CA10: variants seen among roughly 807,000 people sequenced by gnomAD.
The protein encoded by CA10 is carbonic anhydrase 10 (inactive).
A neutral mutation model predicts 44.2 loss-of-function variants in CA10; 14 were observed. The ratio of observed to expected loss-of-function variants is 0.32; its 90% CI spans 0.21 to 0.50. The LOEUF (loss-of-function observed/expected upper bound fraction) is 0.50, where lower values mean the gene tolerates loss of function less well. Among genes scored for constraint, CA10 ranks in the 20% least tolerant of loss-of-function variants. The probability of loss-of-function intolerance (pLI) is 0.99; values close to 1 mark genes in which losing one functional copy is unlikely to be tolerated. For missense variants in CA10, 350 were observed against 409.7 expected (o/e 0.85, Z 1.26); for synonymous variants, 159 against 141.6 (o/e 1.12, Z -0.87).
chr17:51,651,625 C>T (rs114966845), intron 5 of CA10, among the ~76,000 whole-genome samples: 7 of 152,178 alleles, frequency 4.6e-5, no homozygotes, highest in South Asian at 2.1e-4. Flanking sequence ...GTCACCAGCT[C>T]GGTAGGAATG....
At chr17:51,680,460 C>CTACA (rs2143388147) in intron 4 of CA10, among the ~76,000 whole-genome samples, 1 of 152,280 alleles carries the variant, frequency 6.6e-6, no homozygotes, top group South Asian at 2.1e-4. Context: ...GTATGGTGGA[C>CTACA]TACATGTGTA....
chr17:52,078,953 C>G (rs955699698), intron 1 of CA10, among the ~76,000 whole-genome samples: 2 of 152,142 alleles, frequency 1.3e-5, no homozygotes, highest in African/African-American at 4.8e-5. Flanking sequence ...TCCACCTAAC[C>G]GTAACCTTCC....
intron 1 of CA10, among the ~76,000 whole-genome samples, chr17:52,089,003 C>T (rs1290269856): frequency 6.6e-6 from 1 of 152,198 alleles, no homozygotes; most frequent in Non-Finnish European, 1.5e-5. Context: ...AGAAAGTAAG[C>T]AATTCCATCA....
intron 2 of CA10, among the ~76,000 whole-genome samples, chr17:51,939,950 C>T (rs896468189): frequency 1.3e-5 from 2 of 152,022 alleles, no homozygotes; most frequent in African/African-American, 4.8e-5. Context: ...TTTTCTCTCT[C>T]ATTTAAGATG....
intron 6 of CA10, among the ~76,000 whole-genome samples, chr17:51,647,468 G>T (rs1219494704): frequency 6.6e-6 from 1 of 151,198 alleles, no homozygotes; most frequent in East Asian, 1.9e-4. Flanking sequence ...CTTCTTCCCT[G>T]CCTCCCCTTC....
chr17:51,747,710 C>T lies in CA10; in HGVS notation c.388G>A (p.Glu130Lys). ...GPMTYSHRLE[E>K]IRLHFGSEDS... ...TCACTCCCAAAGTGTAGTCGGATCT[C>T]CTCCAGCCGGTGGCTGTATGTCATG... Residue 130 changes from glutamate to lysine, a missense_variant, in exon 4 of 9, where the codon GAG becomes AAG. Transcript: ENST00000451037. 6.2e-7 allele frequency: 1 copy of T among 1,614,204 alleles called. No homozygotes were observed. Among genetic ancestry groups the T allele is most frequent in the Non-Finnish European group, 8.5e-7 (1 of 1,180,028 alleles).
At chr17:51,945,178 T>A (rs1983227390) in intron 2 of CA10, among the ~76,000 whole-genome samples, 1 of 152,176 alleles carries the variant, frequency 6.6e-6, no homozygotes, top group African/African-American at 2.4e-5. Context: ...TTCATCCTAA[T>A]TGGCTGATGA....
intron 4 of CA10, among the ~76,000 whole-genome samples, chr17:51,736,593 A>C (rs1916921353): frequency 6.6e-6 from 1 of 152,184 alleles, no homozygotes; most frequent in Non-Finnish European, 1.5e-5. Flanking sequence ...TTCATTTCCA[A>C]GGCTGAGTCC....
At chr17:52,081,571 C>T (rs1987977905) in intron 1 of CA10, among the ~76,000 whole-genome samples, 2 of 151,960 alleles carry the variant, frequency 1.3e-5, no homozygotes, top group South Asian at 2.1e-4. Context: ...GAGGCCGAGG[C>T]GGGCGGATCA....
rs118026150 is a variant in CA10 at position 51,712,717 on chromosome 17, G to T, written c.465+34916C>A. On this transcript the variant is annotated intron_variant, in intron 4 of 8. Transcript: ENST00000451037. The stretch of plus-strand genomic sequence containing the variant: ...CAATATAGTGTGCAGGTCAGGCTCT[G>T]AACTCTTCTTAACTAGAAAGATAGT... Among the ~76,000 whole-genome samples the T allele has an allele frequency of 1.8e-3, 275 of 152,310 alleles. 3 individuals carry two copies. The South Asian group carries it at 0.024, about 13-fold the overall frequency.
At chr17:52,045,427 C>T (rs943694402) in intron 2 of CA10, among the ~76,000 whole-genome samples, 2 of 151,850 alleles carry the variant, frequency 1.3e-5, no homozygotes, top group East Asian at 3.9e-4. Context: ...AGATTTTTCT[C>T]ATTTTTAATT....
intron 1 of CA10, among the ~76,000 whole-genome samples, chr17:52,140,631 C>T (rs79256736): frequency 6.6e-6 from 1 of 152,182 alleles, no homozygotes; most frequent in Non-Finnish European, 1.5e-5. Flanking sequence ...CACTGTTTGT[C>T]AGCCCCTGCT....
At chr17:51,707,671 A>ATGTGTGTGTGTGTG (rs3031847) in intron 4 of CA10, among the ~76,000 whole-genome samples, 18,858 of 142,668 alleles carry the variant, frequency 0.13, 1,365 homozygotes, top group East Asian at 0.21. Context: ...GTGGATGAAT[A>ATGTGTGTGTGTGTG]TGTGTGTGTG....
intron 4 of CA10, among the ~76,000 whole-genome samples, chr17:51,700,477 T>C (rs1198430346): frequency 6.6e-6 from 1 of 152,122 alleles, no homozygotes; most frequent in African/African-American, 2.4e-5. Context: ...TCCTTGGTGC[T>C]CCTTGAACAT....
At chr17:52,157,248 C>T (rs1280465745) in intron 1 of CA10, among the ~76,000 whole-genome samples, 3 of 152,166 alleles carry the variant, frequency 2.0e-5, no homozygotes, top group South Asian at 4.2e-4. Flanking sequence ...GGACATATCT[C>T]TGATCCCTGC....
rs188263100 is a variant in CA10 at position 52,126,044 on chromosome 17, G to T, written c.61+31682C>A. 2.6e-4 allele frequency among the ~76,000 whole-genome samples: 39 copies of T among 152,162 alleles called. No homozygotes were observed. In the South Asian group the frequency reaches 7.9e-3, roughly 31 times the overall value. ...TAAGCAAAGCCCCTGCCCTCAAAAGGTTTTCCAGTAAGGGAGTTAGACCAG... is the reference window on the plus strand; with the variant it reads ...TAAGCAAAGCCCCTGCCCTCAAAAGTTTTTCCAGTAAGGGAGTTAGACCAG... On this transcript the variant is annotated intron_variant, in intron 1 of 8. Coordinates refer to ENST00000451037, the MANE Select transcript of CA10 (RefSeq NM_020178.5).
intron 2 of CA10, among the ~76,000 whole-genome samples, chr17:51,949,466 A>G (rs203007): frequency 0.97 from 147,820 of 152,234 alleles, 71,885 homozygotes; most frequent in East Asian, 1. Flanking sequence ...TCAGAAAATG[A>G]CAGTGTTTGA....
chr17:51,777,331 G>T (rs1174836464), intron 3 of CA10, among the ~76,000 whole-genome samples: 1 of 152,136 alleles, frequency 6.6e-6, no homozygotes, highest in African/African-American at 2.4e-5. Context: ...ACAGTTTAGA[G>T]CTTGACTAAT....
chr17:52,022,538 T>C (rs1986176105), intron 2 of CA10, among the ~76,000 whole-genome samples: 1 of 152,002 alleles, frequency 6.6e-6, no homozygotes, highest in African/African-American at 2.4e-5. Context: ...CCTATTCTCC[T>C]TAATAACTAG....
Sources: allele counts gnomAD v4.1 joint callset (sites outside exome capture counted in the v4.1 genomes callset), GRCh38; gene constraint gnomAD v4.1.1; transcripts MANE v1.5; gene names NCBI Gene and HGNC (gene_info 2026-07-23, HGNC 2026-07-21).